CACNA1A: variants seen among roughly 807,000 people sequenced by gnomAD.
The protein encoded by CACNA1A is voltage-dependent P/Q-type calcium channel subunit alpha-1A.
A neutral mutation model predicts 262.4 loss-of-function variants in CACNA1A; 57 were observed. The ratio of observed to expected loss-of-function variants is 0.22; its 90% confidence interval spans 0.18 to 0.27. The LOEUF (loss-of-function observed/expected upper bound fraction) is 0.27. CACNA1A is among the 10% of genes least tolerant of loss of function. The probability of loss-of-function intolerance (pLI) is 1.00; values close to 1 mark genes in which losing one functional copy is unlikely to be tolerated. For synonymous variants in CACNA1A, 1,431 were observed against 1,419.3 expected, an observed-to-expected ratio of 1.01 and a Z score of -0.18; for missense variants, 2,526 against 3,562.8, an observed-to-expected ratio of 0.71 and a Z score of 7.41.
chr19:13,374,611 ATT>A (rs546760187), intron 3 of CACNA1A, among the ~76,000 whole-genome samples: 114 of 152,222 alleles, frequency 7.5e-4, no homozygotes, highest in African/African-American at 2.6e-3. Context: ...TCTGGTACTA[ATT>A]TGGGTTCCTC....
chr19:13,253,887 G>A (rs1397771705), intron 29 of CACNA1A, among the ~76,000 whole-genome samples: 2 of 151,838 alleles, frequency 1.3e-5, no homozygotes, highest in Non-Finnish European at 2.9e-5. Flanking sequence ...TTATAGGCAT[G>A]CGCCACCACG....
intron 3 of CACNA1A, among the ~76,000 whole-genome samples, chr19:13,406,324 G>A (rs1024171016): frequency 2.0e-5 from 3 of 150,582 alleles, no homozygotes; most frequent in African/African-American, 4.9e-5. Context: ...GTGTGGTGGC[G>A]GGTGCCTGTA....
Position 13,299,229 on chromosome 19 carries a change from G to T in CACNA1A, c.2404C>A (p.Arg802Ser), listed in dbSNP as rs760816963. 2.5e-5 allele frequency: 41 copies of T among 1,610,230 alleles called. No individual in the cohort carries two copies. The Middle Eastern group carries it at 4.9e-4, about 19-fold the overall frequency. Residue 802 changes from arginine to serine, a missense_variant, in exon 19 of 47, where the codon CGC (arginine) becomes AGC (serine). By Grantham distance (110) the Arg-to-Ser change is moderately radical. Coordinates refer to ENST00000360228, the MANE Select transcript of CACNA1A (RefSeq NM_001127222.2). ...TGCCGCGTGTAGGCAGCCTTCCAGC[G>T]CTCGTCCGGGTCCATTTCGTTATAC... is the stretch of plus-strand genomic sequence containing the variant. ...ALYNEMDPDE[R>S]WKAAYTRHLR... is the part of the protein sequence containing the mutation.
chr19:13,245,396 A>C, intron 30 of CACNA1A, 131 bp from the exon 31 acceptor site: 2 of 715,520 alleles, frequency 2.8e-6, no homozygotes, highest in South Asian at 3.0e-5. Context: ...GGTTGTTCGA[A>C]GGGCTGCGGT....
chr19:13,253,143 G>GGTGGGAA (rs2056447529), intron 29 of CACNA1A, 42 bp from the exon 30 acceptor site: 8 of 1,307,480 alleles, frequency 6.1e-6, no homozygotes, highest in Admixed American at 1.7e-5. Flanking sequence ...AGCGAGCAGG[G>GGTGGGAA]GTGGGAAGTG....
rs772941423 is a variant in CACNA1A, at chr19:13,298,837, G to A, written c.2796C>T (p.His932=). The A allele has an allele frequency of 1.3e-6, 2 of 1,581,158 alleles. No individual in the cohort carries two copies. The highest frequency in any genetic ancestry group is 2.7e-5 in the African/African-American group (2 of 73,354). The change falls in exon 19 of 47, where the codon CAC becomes CAT. Residue 932 remains histidine, a synonymous_variant. Coordinates refer to ENST00000360228, the MANE Select transcript of CACNA1A (RefSeq NM_001127222.2). ...CCCTGCTGCCCCCCTGCCGGTGCAC[G>A]TGCCTCCGGTGGGGGTCCCCGGCCT... ...RGKAGDPHRR[H]VHRQGGSRES...
At chr19:13,268,211 C>T (rs1487133611) in intron 24 of CACNA1A, among the ~76,000 whole-genome samples, 1 of 152,126 alleles carries the variant, frequency 6.6e-6, no homozygotes, top group African/African-American at 2.4e-5. Flanking sequence ...TTAGAAGCAA[C>T]TCTGAAGCCC....
chr19:13,393,838 T>C (rs923600906), intron 3 of CACNA1A, among the ~76,000 whole-genome samples: 7 of 110,410 alleles, frequency 6.3e-5, no homozygotes, highest in Admixed American at 2.1e-4. Flanking sequence ...CTCTCTCTCT[T>C]CCCCTCCGCC....
At chr19:13,361,456 C>T (rs2145254828) in intron 5 of CACNA1A, among the ~76,000 whole-genome samples, 1 of 152,312 alleles carries the variant, frequency 6.6e-6, no homozygotes, top group Non-Finnish European at 1.5e-5. Context: ...GTGAGCGATG[C>T]TTTTGAAGGT....
In CACNA1A at chr19:13,286,973, A is replaced by G; in HGVS notation, c.3090-7T>C. 1 of 1,567,470 alleles carries G rather than the reference A, an allele frequency of 6.4e-7. No individual in the cohort carries two copies. Among genetic ancestry groups the G allele is most frequent in the Non-Finnish European group, 8.7e-7 (1 of 1,155,372 alleles). On this transcript the variant is annotated splice_polypyrimidine_tract_variant and splice_region_variant and intron_variant, in intron 19 of 46. Coordinates refer to ENST00000360228, the MANE Select transcript of CACNA1A (RefSeq NM_001127222.2). ...CCCGGAGCCCTGGTTCTCTCTGAGG[A>G]AGGCAAGTGAATGAAAAAGAACCAA...
At chr19:13,255,713 C>CTCCCTCCCTCCTTCCCTCCCTCCCTCCT (rs2056536399) in intron 28 of CACNA1A, among the ~76,000 whole-genome samples, 1 of 119,428 alleles carries the variant, frequency 8.4e-6, no homozygotes, top group African/African-American at 3.6e-5. Context: ...CCTTCCCTCC[C>CTCCCTCCCTCCTTCCCTCCCTCCCTCCT]TCCCTCCTTC....
At chr19:13,336,345 A>G (rs572916251) in intron 6 of CACNA1A, among the ~76,000 whole-genome samples, 6 of 152,304 alleles carry the variant, frequency 3.9e-5, no homozygotes, top group Admixed American at 3.9e-4. Flanking sequence ...GAAATCACCA[A>G]GCCAGACAGA....
intron 1 of CACNA1A, among the ~76,000 whole-genome samples, chr19:13,480,944 C>A (rs1979220205): frequency 6.6e-6 from 1 of 152,064 alleles, no homozygotes; most frequent in Non-Finnish European, 1.5e-5. Context: ...TGTTATTATT[C>A]ATTGAGACCG....
intron 19 of CACNA1A, among the ~76,000 whole-genome samples, chr19:13,288,078 C>T (rs934243543): frequency 6.6e-5 from 10 of 152,152 alleles, no homozygotes; most frequent in Non-Finnish European, 1.3e-4. Flanking sequence ...GTTGGGATTA[C>T]AGGCGTAAAC....
At chr19:13,283,521 A>T (rs2057336628) in intron 21 of CACNA1A, 125 bp from the exon 22 acceptor site, 2 of 1,230,660 alleles carry the variant, frequency 1.6e-6, no homozygotes, top group South Asian at 2.9e-5. Context: ...CCTACACAAC[A>T]AACTATTAAA....
chr19:13,303,277 T>C (rs2057825881), intron 17 of CACNA1A, among the ~76,000 whole-genome samples: 1 of 152,170 alleles, frequency 6.6e-6, no homozygotes, highest in Non-Finnish European at 1.5e-5. Context: ...AAACGGCCTT[T>C]TGGTTGAGTT....
chr19:13,380,436 A>G (rs1459488570), intron 3 of CACNA1A, among the ~76,000 whole-genome samples: 6 of 151,758 alleles, frequency 4.0e-5, no homozygotes, highest in African/African-American at 1.2e-4. Flanking sequence ...ACTTGAGGCC[A>G]GGAGTTCGAG....
intron 1 of CACNA1A, among the ~76,000 whole-genome samples, chr19:13,485,174 G>A (rs989885394): frequency 2.0e-5 from 3 of 152,040 alleles, no homozygotes; most frequent in Non-Finnish European, 2.9e-5. Flanking sequence ...AAATGATGCT[G>A]GGACAATTCT....
intron 29 of CACNA1A, among the ~76,000 whole-genome samples, chr19:13,253,850 A>G (rs989582919): frequency 5.3e-5 from 8 of 151,098 alleles, no homozygotes; most frequent in African/African-American, 2.0e-4. Context: ...AGCGATTCTC[A>G]TGCCTCAGCC....
Sources: allele counts gnomAD v4.1 joint callset (sites outside exome capture counted in the v4.1 genomes callset), GRCh38; gene constraint gnomAD v4.1.1; transcripts MANE v1.5; gene names NCBI Gene and HGNC (gene_info 2026-07-23, HGNC 2026-07-21).